The following HCN1 variants were observed in gnomAD, a reference collection of about 807,000 sequenced individuals.
The protein encoded by HCN1 is potassium/sodium hyperpolarization-activated cyclic nucleotide-gated channel 1.
Under a neutral mutation model 78.9 loss-of-function variants are expected in HCN1, and 13 were observed. The observed-to-expected ratio is 0.16, with a 90% confidence interval of 0.11 to 0.26. The LOEUF (loss-of-function observed/expected upper bound fraction) is 0.26, where lower values mean the gene tolerates loss of function less well. HCN1 is among the 10% of genes least tolerant of loss of function. HCN1 has a pLI of 1.00. For missense variants in HCN1, 810 were observed against 1,154.3 expected (o/e 0.70, Z 4.32); for synonymous variants, 552 against 455.5 (o/e 1.21, Z -2.70).
chr5:45,592,699 T>G (rs937102923), intron 2 of HCN1, among the ~76,000 whole-genome samples: 1 of 152,170 alleles, frequency 6.6e-6, no homozygotes, highest in Non-Finnish European at 1.5e-5. Flanking sequence ...AGTTTTAACA[T>G]CACTGTACGA....
At chr5:45,309,793 T>A (rs1191977047) in intron 5 of HCN1, among the ~76,000 whole-genome samples, 1 of 152,150 alleles carries the variant, frequency 6.6e-6, no homozygotes, top group East Asian at 1.9e-4. Context: ...GATATTTGCA[T>A]CAATGTTCAT....
intron 2 of HCN1, among the ~76,000 whole-genome samples, chr5:45,465,552 C>T (rs1358414580): frequency 6.6e-6 from 1 of 151,900 alleles, no homozygotes; most frequent in East Asian, 1.9e-4. Flanking sequence ...GTCAGGAGTT[C>T]GAGACCAGCC....
chr5:45,679,876 C>G (rs1739672848), intron 1 of HCN1, among the ~76,000 whole-genome samples: 1 of 152,012 alleles, frequency 6.6e-6, no homozygotes, highest in Non-Finnish European at 1.5e-5. Flanking sequence ...ACATTTTGGT[C>G]ATTACTATCT....
chr5:45,664,892 G>GT (rs1746004001), intron 1 of HCN1, among the ~76,000 whole-genome samples: 1 of 151,914 alleles, frequency 6.6e-6, no homozygotes, highest in Admixed American at 6.6e-5. Context: ...TCAGTGTGGC[G>GT]ATTCCTCAGG....
At chr5:45,490,807 A>G (rs1561173596) in intron 2 of HCN1, among the ~76,000 whole-genome samples, 1 of 152,218 alleles carries the variant, frequency 6.6e-6, no homozygotes, top group East Asian at 1.9e-4. Context: ...TCATACATGT[A>G]TAATTCCTCA....
intron 6 of HCN1, among the ~76,000 whole-genome samples, chr5:45,293,474 T>A (rs375398357): frequency 6.6e-6 from 1 of 150,926 alleles, no homozygotes; most frequent in East Asian, 2.0e-4. Flanking sequence ...CAAGACATGG[T>A]CTACAAAAAC....
chr5:45,513,694 T>TA (rs1742463688), intron 2 of HCN1, among the ~76,000 whole-genome samples: 1 of 152,176 alleles, frequency 6.6e-6, no homozygotes, highest in Admixed American at 6.5e-5. Context: ...TATGAGAATC[T>TA]AATGCTTGAT....
At chr5:45,589,579 C>T (rs1744318925) in intron 2 of HCN1, among the ~76,000 whole-genome samples, 1 of 152,064 alleles carries the variant, frequency 6.6e-6, no homozygotes, top group South Asian at 2.1e-4. Context: ...GACCAATGAT[C>T]ATAAATAGAA....
intron 2 of HCN1, among the ~76,000 whole-genome samples, chr5:45,546,506 C>G (rs1410310478): frequency 6.6e-6 from 1 of 151,908 alleles, no homozygotes; most frequent in Non-Finnish European, 1.5e-5. Flanking sequence ...TAAAACTTAT[C>G]TGTCTTTCTT....
chr5:45,291,095 G>A (rs545830838), intron 6 of HCN1, among the ~76,000 whole-genome samples: 2 of 151,864 alleles, frequency 1.3e-5, no homozygotes, highest in African/African-American at 4.8e-5. Context: ...TTCAGCCACC[G>A]AGGTCATATC....
chr5:45,400,394 C>CTTTTT (rs541820226), intron 3 of HCN1, among the ~76,000 whole-genome samples: 11 of 112,982 alleles, frequency 9.7e-5, no homozygotes, highest in Non-Finnish European at 1.1e-4. Flanking sequence ...ATTAAAAATG[C>CTTTTT]TTTTTTTTTT....
intron 3 of HCN1, among the ~76,000 whole-genome samples, chr5:45,424,102 C>T (rs1740286371): frequency 7.6e-6 from 1 of 132,324 alleles, no homozygotes; most frequent in African/African-American, 3.0e-5. Flanking sequence ...GGTGAAACCC[C>T]ATCTCTACTA....
intron 2 of HCN1, among the ~76,000 whole-genome samples, chr5:45,585,306 C>T (rs558161177): frequency 6.6e-6 from 1 of 152,272 alleles, no homozygotes; most frequent in Non-Finnish European, 1.5e-5. Context: ...ACTCTTTCTT[C>T]CAGTTCATCA....
At chr5:45,577,341 G>A (rs1743967861) in intron 2 of HCN1, among the ~76,000 whole-genome samples, 1 of 152,090 alleles carries the variant, frequency 6.6e-6, no homozygotes, top group Admixed American at 6.6e-5. Flanking sequence ...GCTGACATCA[G>A]TGCTGGGTGT....
intron 2 of HCN1, among the ~76,000 whole-genome samples, chr5:45,536,313 T>G (rs1196726995): frequency 6.6e-6 from 1 of 152,184 alleles, no homozygotes; most frequent in Non-Finnish European, 1.5e-5. Context: ...TATTCTAGAA[T>G]TCCAATTACA....
At chr5:45,313,973 C>T (rs1030087032) in intron 5 of HCN1, among the ~76,000 whole-genome samples, 11 of 152,226 alleles carry the variant, frequency 7.2e-5, no homozygotes, top group Admixed American at 2.0e-4. Flanking sequence ...ACTTCCCCAA[C>T]CTAGCAAGGC....
At chr5:45,284,780 T>C (rs1745234404) in intron 6 of HCN1, among the ~76,000 whole-genome samples, 1 of 152,094 alleles carries the variant, frequency 6.6e-6, no homozygotes, top group Non-Finnish European at 1.5e-5. Context: ...AGAGAGACCT[T>C]CAAATCAAAC....
chr5:45,350,069 C>CA (rs984611405), intron 5 of HCN1, among the ~76,000 whole-genome samples: 10 of 151,506 alleles, frequency 6.6e-5, no homozygotes, highest in Middle Eastern at 6.9e-3. Context: ...GACACACAAC[C>CA]AAAAAAAAGA....
At chr5:45,534,743 A>G (rs1742932542) in intron 2 of HCN1, among the ~76,000 whole-genome samples, 1 of 152,134 alleles carries the variant, frequency 6.6e-6, no homozygotes, top group African/African-American at 2.4e-5. Context: ...TGATTTTGAT[A>G]ATAGAAGAGC....
Sources: allele counts gnomAD v4.1 joint callset (sites outside exome capture counted in the v4.1 genomes callset), GRCh38; gene constraint gnomAD v4.1.1; transcripts MANE v1.5; gene names NCBI Gene and HGNC (gene_info 2026-07-23, HGNC 2026-07-21).